Variants in LRP6 observed in about 807,000 individuals in gnomAD.
The protein encoded by LRP6 is LDL receptor related protein 6.
In LRP6, 43 loss-of-function variants were observed where a neutral mutation model predicts 184.1. The observed-to-expected ratio is 0.23, with a 90% CI of 0.18 to 0.30. The LOEUF (loss-of-function observed/expected upper bound fraction) is 0.30. Ranked by LOEUF, LRP6 falls within the 10% of genes least tolerant of loss-of-function variation. LRP6 has a pLI of 1.00. For missense variants in LRP6, 1,571 were observed against 2,005.3 expected (o/e 0.78, Z 4.14); for synonymous variants, 719 against 684.9 (o/e 1.05, Z -0.78).
intron 22 of LRP6, among the ~76,000 whole-genome samples, chr12:12,121,748 GCA>G (rs753041299): frequency 7.2e-5 from 11 of 152,148 alleles, no homozygotes; most frequent in Admixed American, 2.6e-4. Flanking sequence ...AATTTGTTCT[GCA>G]GTTTCATAGC....
chr12:12,131,097 A>ATTTTTTTTTTT (rs35705276), intron 18 of LRP6, among the ~76,000 whole-genome samples: 30 of 78,192 alleles, frequency 3.8e-4, no homozygotes, highest in African/African-American at 1.2e-3. Flanking sequence ...ATTTCCTAAC[A>ATTTTTTTTTTT]TTTTTTTTTT....
At chr12:12,197,437 C>A (rs1161876350) in intron 3 of LRP6, among the ~76,000 whole-genome samples, 3 of 152,220 alleles carry the variant, frequency 2.0e-5, no homozygotes. Flanking sequence ...AATTGCTACT[C>A]AATTGGTCAT....
intron 1 of LRP6, among the ~76,000 whole-genome samples, chr12:12,257,088 G>C (rs1164991285): frequency 1.3e-5 from 2 of 152,110 alleles, no homozygotes; most frequent in Non-Finnish European, 2.9e-5. Flanking sequence ...GTAAATTCAT[G>C]GTTACCAGAG....
Position 12,266,957 on chromosome 12 carries a change from T to G in LRP6, c.-222A>C. 1 of 551,406 alleles carries G rather than the reference T, an allele frequency of 1.8e-6. No homozygotes were observed. Among genetic ancestry groups the G allele is most frequent in the Non-Finnish European group, 3.2e-6 (1 of 316,302 alleles). The allele number at this position is 551,406 out of a possible 1,614,324, so 34.2% of individuals were successfully genotyped here. The stretch of plus-strand genomic sequence containing the variant: ...GGCTCGCGCGACGCCAGCGTCTGCT[T>G]CCATCCCGCCGCCTCCTCCCCCGGC... On this transcript the variant is annotated 5_prime_UTR_variant, in exon 1 of 23. Coordinates refer to ENST00000261349, the MANE Select transcript of LRP6 (RefSeq NM_002336.3).
intron 7 of LRP6, among the ~76,000 whole-genome samples, chr12:12,171,773 C>G (rs1863053428): frequency 6.6e-6 from 1 of 152,164 alleles, no homozygotes; most frequent in South Asian, 2.1e-4. Context: ...TATTAGAAAA[C>G]TGACTTCTCC....
intron 7 of LRP6, among the ~76,000 whole-genome samples, chr12:12,176,224 G>A (rs1228764698): frequency 6.6e-6 from 1 of 152,176 alleles, no homozygotes; most frequent in East Asian, 1.9e-4. Context: ...GGTGGCAGAA[G>A]TACTGTGCAG....
intron 2 of LRP6, among the ~76,000 whole-genome samples, chr12:12,219,271 C>T (rs964139440): frequency 6.6e-5 from 10 of 152,198 alleles, no homozygotes; most frequent in African/African-American, 2.4e-4. Flanking sequence ...GTGGCACCGT[C>T]TCGGCTCACT....
chr12:12,236,761 A>G (rs1162458616), intron 2 of LRP6, among the ~76,000 whole-genome samples: 1 of 152,232 alleles, frequency 6.6e-6, no homozygotes, highest in East Asian at 1.9e-4. Flanking sequence ...ATTATAAAGG[A>G]TATTACAAAG....
intron 7 of LRP6, among the ~76,000 whole-genome samples, chr12:12,165,960 A>G (rs1194481770): frequency 2.0e-5 from 3 of 152,316 alleles, no homozygotes; most frequent in East Asian, 1.9e-4. Flanking sequence ...ACTACCTAAT[A>G]GTAACATTAT....
At chr12:12,249,323 A>T in intron 1 of LRP6, 1 of 1,148,298 alleles carries the variant, frequency 8.7e-7, no homozygotes, top group Non-Finnish European at 1.3e-6. Context: ...GCAAAATGGC[A>T]GAATTCACAG....
intron 15 of LRP6, among the ~76,000 whole-genome samples, chr12:12,146,977 C>G (rs1291013178): frequency 2.0e-5 from 3 of 152,268 alleles, no homozygotes; most frequent in Admixed American, 6.5e-5. Context: ...ACGGTGAAAC[C>G]CTGTCTCTAC....
At chr12:12,266,280 G>C (rs1040567116) in intron 1 of LRP6, among the ~76,000 whole-genome samples, 4 of 152,114 alleles carry the variant, frequency 2.6e-5, no homozygotes, top group African/African-American at 4.8e-5. Flanking sequence ...GGCTTCGATG[G>C]ATAAGGCCAA....
At chr12:12,252,566 T>C (rs903864152) in intron 1 of LRP6, among the ~76,000 whole-genome samples, 2 of 152,194 alleles carry the variant, frequency 1.3e-5, no homozygotes, top group Non-Finnish European at 2.9e-5. Context: ...TCATTGTCCA[T>C]GTCTATTAAT....
intron 19 of LRP6, among the ~76,000 whole-genome samples, chr12:12,130,175 A>C (rs949486003): frequency 6.6e-6 from 1 of 151,626 alleles, no homozygotes; most frequent in Non-Finnish European, 1.5e-5. Context: ...AATTCAGACC[A>C]ATTGAATTCT....
At chr12:12,245,482 G>A (rs1865161197) in intron 1 of LRP6, among the ~76,000 whole-genome samples, 1 of 152,102 alleles carries the variant, frequency 6.6e-6, no homozygotes, top group Admixed American at 6.5e-5. Flanking sequence ...ACTTTTGCAG[G>A]TGATGAGCTA....
intron 22 of LRP6, 135 bp from the exon 23 acceptor site, chr12:12,121,555 A>G: frequency 1.3e-6 from 1 of 799,794 alleles, no homozygotes. Context: ...TACACAGACC[A>G]AGAGGCAATT....
intron 1 of LRP6, among the ~76,000 whole-genome samples, chr12:12,248,624 G>A (rs951314381): frequency 6.6e-6 from 1 of 151,502 alleles, no homozygotes; most frequent in African/African-American, 2.4e-5. Flanking sequence ...TGGGACTACA[G>A]GCGCCCGCCA....
At chr12:12,222,147 A>G (rs934721323) in intron 2 of LRP6, among the ~76,000 whole-genome samples, 3 of 152,254 alleles carry the variant, frequency 2.0e-5, no homozygotes, top group African/African-American at 4.8e-5. Context: ...ACTAAGCAGT[A>G]AATTTTACTA....
At chr12:12,187,542 C>G in intron 3 of LRP6, 1 of 231,156 alleles carries the variant, frequency 4.3e-6, no homozygotes, top group Non-Finnish European at 8.7e-6. Context: ...ACAGTTGGCA[C>G]TGAAGTAGAT....
Sources: gnomAD v4.1 joint callset for allele counts (sites outside exome capture counted in the v4.1 genomes callset) on GRCh38, gnomAD v4.1.1 for gene constraint, MANE v1.5 for transcripts, NCBI Gene and HGNC (gene_info 2026-07-23, HGNC 2026-07-21) for gene names.